Variants in SOX6 observed in about 807,000 individuals in gnomAD.
SOX6 encodes the protein SRY-box transcription factor 6.
SOX6 carries 11 observed loss-of-function variants against 97.8 expected under a neutral mutation model. The ratio of observed to expected loss-of-function variants is 0.11; its 90% confidence interval spans 0.07 to 0.19. SOX6 has a LOEUF of 0.19. SOX6 is among the 10% of genes least tolerant of loss of function. The pLI, the probability that SOX6 is intolerant of heterozygous loss-of-function variation, is 1.00. For synonymous variants in SOX6, 360 were observed against 371.4 expected (o/e 0.97, Z 0.35); for missense variants, 810 against 1,039.5 (o/e 0.78, Z 3.04).
At chr11:16,373,482 C>A (rs1028418468) in intron 1 of SOX6, among the ~76,000 whole-genome samples, 2 of 152,046 alleles carry the variant, frequency 1.3e-5, no homozygotes, top group Non-Finnish European at 2.9e-5. Flanking sequence ...AACTTAAACT[C>A]CTACAATATT....
chr11:16,135,908 T>G (rs887017025), intron 6 of SOX6, among the ~76,000 whole-genome samples: 4 of 152,336 alleles, frequency 2.6e-5, no homozygotes, highest in Admixed American at 2.0e-4. Flanking sequence ...GGTTGTCTTA[T>G]TTTTAGAAAC....
intron 3 of SOX6, among the ~76,000 whole-genome samples, chr11:16,652,331 T>A (rs985982343): frequency 6.6e-6 from 1 of 152,132 alleles, no homozygotes; most frequent in Non-Finnish European, 1.5e-5. Flanking sequence ...AGAACAAATA[T>A]GGAAGTATCA....
At chr11:16,181,453 T>A (rs999464971) in intron 6 of SOX6, among the ~76,000 whole-genome samples, 4 of 151,558 alleles carry the variant, frequency 2.6e-5, no homozygotes, top group African/African-American at 9.7e-5. Flanking sequence ...TCAAGTCTCA[T>A]ATTTTGCTCA....
chr11:16,525,170 C>T (rs557318164), intron 4 of SOX6, among the ~76,000 whole-genome samples: 12 of 152,250 alleles, frequency 7.9e-5, no homozygotes, highest in African/African-American at 2.6e-4. Flanking sequence ...GCCCGCATTG[C>T]CAAGTCAATC....
chr11:16,434,252 A>ATATGCC (rs1287128321), intron 1 of SOX6: 4 of 152,154 alleles, frequency 2.6e-5, no homozygotes, highest in Admixed American at 6.5e-5. Context: ...ATAAACGAAC[A>ATATGCC]TATGCCATGA....
chr11:16,286,570 T>G (rs1854750247), intron 3 of SOX6, among the ~76,000 whole-genome samples: 1 of 152,170 alleles, frequency 6.6e-6, no homozygotes. Flanking sequence ...ATCACTGTGT[T>G]CAGTGAGGTA....
At chr11:16,069,630 T>A (rs1313296002) in intron 9 of SOX6, among the ~76,000 whole-genome samples, 1 of 152,216 alleles carries the variant, frequency 6.6e-6, no homozygotes, top group Non-Finnish European at 1.5e-5. Flanking sequence ...ATAATCATGT[T>A]AAGGTGTTTT....
intron 12 of SOX6, among the ~76,000 whole-genome samples, chr11:16,038,747 T>C (rs1855580539): frequency 6.6e-6 from 1 of 152,096 alleles, no homozygotes; most frequent in Non-Finnish European, 1.5e-5. Context: ...AAAGTGTGTC[T>C]GTGGAATAAA....
chr11:16,652,034 T>G (rs931805961), intron 3 of SOX6, among the ~76,000 whole-genome samples: 1 of 151,960 alleles, frequency 6.6e-6, no homozygotes, highest in Non-Finnish European at 1.5e-5. Context: ...AAAAAATATA[T>G]GCCTAAAAAT....
At position 16,224,816 on chromosome 11, in the gene SOX6, ATTTTGGGGGAATAT is replaced by A. The variant is rs531038796; in HGVS notation, c.535+9752_535+9765del. ...CTATGTAAAATGGACTAAACATGCT[ATTTTGGGGGAATAT>A]TAAGTTTCCACCTTAGTAATTTACT... is the stretch of plus-strand genomic sequence containing the variant. On this transcript the variant is annotated intron_variant, in intron 4 of 15. Coordinates refer to ENST00000683767, the MANE Select transcript of SOX6 (RefSeq NM_001367873.1). 2.0e-5 allele frequency among the ~76,000 whole-genome samples: 3 copies of A among 152,168 alleles called. No homozygotes were observed. The South Asian group carries it at 6.2e-4, about 32-fold the overall frequency.
chr11:16,635,609 C>T (rs576541916), intron 3 of SOX6, among the ~76,000 whole-genome samples: 1 of 152,202 alleles, frequency 6.6e-6, no homozygotes, highest in Non-Finnish European at 1.5e-5. Flanking sequence ...CAGAAATCTG[C>T]ATAAGTAAGA....
Position 16,201,635 on chromosome 11 carries a change from T to C in SOX6, c.536-14680A>G, listed in dbSNP as rs1337582420. On this transcript the variant is annotated intron_variant, in intron 4 of 15. Coordinates refer to ENST00000683767, the MANE Select transcript of SOX6 (RefSeq NM_001367873.1). ...TATTTGCAAAGTATTTTTTTTTTTT[T>C]CTTTTTTTTTTTTTTTGAGACGGAG... Among the ~76,000 whole-genome samples the C allele has an allele frequency of 7.3e-4, 96 of 131,764 alleles. 2 individuals carry two copies. The highest frequency in any genetic ancestry group is 7.0e-4 in the South Asian group (3 of 4,306). The allele number at this position is 131,764 out of a possible 152,430, so 86.4% of individuals were successfully genotyped here.
chr11:16,436,946 T>C (rs1859386519), intron 1 of SOX6, among the ~76,000 whole-genome samples: 1 of 151,990 alleles, frequency 6.6e-6, no homozygotes, highest in Non-Finnish European at 1.5e-5. Context: ...GGCCAAAAAA[T>C]GTAGGCACAT....
At chr11:16,731,952 G>T (rs918910005) in intron 2 of SOX6, among the ~76,000 whole-genome samples, 1 of 151,204 alleles carries the variant, frequency 6.6e-6, no homozygotes, top group African/African-American at 2.4e-5. Flanking sequence ...ACCAATAATA[G>T]ACAGAGAGCC....
At chr11:16,062,912 C>T (rs1037201172) in intron 9 of SOX6, among the ~76,000 whole-genome samples, 2 of 151,746 alleles carry the variant, frequency 1.3e-5, no homozygotes, top group South Asian at 2.1e-4. Flanking sequence ...ATTCTGCCAA[C>T]GAGCTAAGAT....
At chr11:16,671,075 G>C (rs986751756) in intron 3 of SOX6, among the ~76,000 whole-genome samples, 42 of 152,246 alleles carry the variant, frequency 2.8e-4, no homozygotes, top group Middle Eastern at 3.4e-3. Flanking sequence ...AAGACAAAAA[G>C]TAAGCTACAG....
chr11:16,444,758 G>A (rs1859580663), intron 1 of SOX6, among the ~76,000 whole-genome samples: 1 of 150,462 alleles, frequency 6.6e-6, no homozygotes. Flanking sequence ...TTAATAAGAG[G>A]TTAAAGAGAG....
rs182444035 is a variant in SOX6 at position 16,377,035 on chromosome 11, A to G, written c.-4-35783T>C. Among the ~76,000 whole-genome samples, 464 of 152,212 alleles carry G rather than the reference A, an allele frequency of 3.0e-3. 1 individual carries two copies. Among genetic ancestry groups the G allele is most frequent in the Admixed American group, 5.1e-3 (78 of 15,256 alleles). ...TACAAAGGAATTCTTTTATTTAAAA[A>G]AAAAAAGTCAAGTTGTTAGTTACAG... On this transcript the variant is annotated intron_variant, in intron 1 of 15. Coordinates refer to the SOX6 transcript ENST00000396356.
intron 3 of SOX6, chr11:16,312,015 C>A (rs1274094958): frequency 6.6e-6 from 1 of 152,158 alleles, no homozygotes; most frequent in Admixed American, 6.6e-5. Context: ...GCCTGTCCCA[C>A]CAGGAATTCA....
Sources: allele counts gnomAD v4.1 joint callset (sites outside exome capture counted in the v4.1 genomes callset), GRCh38; gene constraint gnomAD v4.1.1; transcripts MANE v1.5; gene names NCBI Gene and HGNC (gene_info 2026-07-23, HGNC 2026-07-21).